Variants in PRDM15 observed in about 807,000 individuals in gnomAD.
The protein encoded by PRDM15 is PR/SET domain 15.
PRDM15 carries 64 observed loss-of-function variants against 128.6 expected under a neutral mutation model. The observed-to-expected ratio is 0.50, with a 90% CI of 0.41 to 0.61. The LOEUF (loss-of-function observed/expected upper bound fraction) is 0.61, where lower values mean the gene tolerates loss of function less well. PRDM15 is among the 20% of genes least tolerant of loss of function. The pLI, the probability that PRDM15 is intolerant of heterozygous loss-of-function variation, is 0.00. For missense variants in PRDM15, 1,242 were observed against 1,569.1 expected (o/e 0.79, Z 3.52); for synonymous variants, 615 against 621.8 (o/e 0.99, Z 0.16).
chr21:41,825,488 G>A (rs569610216), intron 13 of PRDM15, among the ~76,000 whole-genome samples: 7 of 152,342 alleles, frequency 4.6e-5, no homozygotes, highest in East Asian at 3.9e-4. Flanking sequence ...TCCACTGAAC[G>A]TGCCTGGGAG....
chr21:41,813,571 G>C (rs1293322169), intron 19 of PRDM15: 3 of 152,324 alleles, frequency 2.0e-5, no homozygotes. Flanking sequence ...ACAGGCTCAC[G>C]CCAGGGAACT....
At chr21:41,840,279 T>C (rs1207719689) in intron 6 of PRDM15, among the ~76,000 whole-genome samples, 4 of 151,880 alleles carry the variant, frequency 2.6e-5, no homozygotes, top group East Asian at 3.9e-4. Flanking sequence ...AACCCATCTC[T>C]AATAAAAATA....
At chr21:41,866,815 G>A (rs1223329478) in intron 1 of PRDM15, among the ~76,000 whole-genome samples, 1 of 152,116 alleles carries the variant, frequency 6.6e-6, no homozygotes, top group Non-Finnish European at 1.5e-5. Flanking sequence ...GTGCGACCGG[G>A]GCCTGCACAG....
intron 6 of PRDM15, among the ~76,000 whole-genome samples, chr21:41,844,118 CA>C (rs1190113660): frequency 6.6e-6 from 1 of 152,062 alleles, no homozygotes; most frequent in Non-Finnish European, 1.5e-5. Flanking sequence ...CACCAACTCA[CA>C]AAAGGCAGCT....
intron 22 of PRDM15, 158 bp from the exon 23 acceptor site, chr21:41,803,079 T>G (rs1303647033): frequency 3.1e-6 from 2 of 654,342 alleles, no homozygotes; most frequent in Non-Finnish European, 5.4e-6. Context: ...AGCTGGGTCT[T>G]GTATTTCTAA....
chr21:41,815,375 T>A (rs1399938437), intron 19 of PRDM15, among the ~76,000 whole-genome samples: 1 of 152,194 alleles, frequency 6.6e-6, no homozygotes, highest in African/African-American at 2.4e-5. Context: ...TGCATGCACA[T>A]CCCTGGCCCT....
In PRDM15 at chr21:41,879,237, G is replaced by T. The variant is rs749365094; in HGVS notation, c.-10+33C>A. 1 of 877,104 alleles carries T rather than the reference G, an allele frequency of 1.1e-6. No homozygotes were observed. 54.3% of individuals were successfully genotyped at this position (877,104 alleles called of 1,614,324 possible). A position where few individuals can be genotyped will look rare whatever the true frequency, so the allele number is the denominator to read the frequency against. On this transcript the variant is annotated intron_variant, in intron 1 of 23. Transcript: ENST00000398548. This position sits in a 1 kb window ranked among gnomAD's most constrained non-coding sequence, Gnocchi z 5.1. ...CCGGGGCCGGCGGGGCGCACGCCGG[G>T]GCGGGCGGCGGGCGCAGGGCCCGGA...
chr21:41,873,278 G>A (rs947791518), intron 1 of PRDM15, among the ~76,000 whole-genome samples: 4 of 152,190 alleles, frequency 2.6e-5, no homozygotes, highest in African/African-American at 9.7e-5. Flanking sequence ...TTCCGTAGGA[G>A]GGCGCATGGG....
Position 41,828,955 on chromosome 21 carries a change from CACACCACAT to C in PRDM15, c.1367-631_1367-623del, listed in dbSNP as rs1174415580. On this transcript the variant is annotated intron_variant, in intron 11 of 23. Transcript: ENST00000398548. This position sits in a 1 kb window ranked among gnomAD's most constrained non-coding sequence, Gnocchi z 5.7. ...CCCCCCACACAAATACACAATCACA[CACACCACAT>C]ACACACACCACGCACACATGCCCCA... is the stretch of plus-strand genomic sequence containing the variant. Among the ~76,000 whole-genome samples, 1,560 of 147,312 alleles carry C rather than the reference CACACCACAT, an allele frequency of 0.011. 25 individuals are homozygous for C. The highest frequency in any genetic ancestry group is 0.038 in the African/African-American group (1,454 of 38,746).
Position 41,810,982 on chromosome 21 carries a change from C to T in PRDM15, c.2393-146G>A, listed in dbSNP as rs1202099388. 1.5e-6 allele frequency: 1 copy of T among 667,034 alleles called. No individual in the cohort carries two copies. The highest frequency in any genetic ancestry group is 1.8e-5 in the African/African-American group (1 of 56,192). The allele number at this position is 667,034 out of a possible 1,614,324, so 41.3% of individuals were successfully genotyped here. ...AAGAAGACAGCAGACAATGAACGCT[C>T]ATCCCCAGCCTCGGCCAGCAAAGTG... On this transcript the variant is annotated intron_variant, in intron 19 of 23. Transcript: ENST00000398548. The surrounding 1 kb of genome is among the most constrained non-coding windows in gnomAD (Gnocchi z 6.4).
At chr21:41,834,972 G>A (rs2146559530) in intron 11 of PRDM15, among the ~76,000 whole-genome samples, 1 of 152,326 alleles carries the variant, frequency 6.6e-6, no homozygotes, top group East Asian at 1.9e-4. Flanking sequence ...ATGCGTGCAG[G>A]GGCAACCCCG....
In PRDM15 at chr21:41,859,896, G is replaced by C. The variant is rs890778944; in HGVS notation, c.38-211C>G. ...TCTGTCAGCACTCGTGCACACATGA[G>C]GAGTGCAAAGGCAGGACACGCCCCC... is the stretch of plus-strand genomic sequence containing the variant. On this transcript the variant is annotated intron_variant, in intron 2 of 23. Coordinates refer to ENST00000398548, the MANE Select transcript of PRDM15 (RefSeq NM_001040424.3). This position sits in a 1 kb window ranked among gnomAD's most constrained non-coding sequence, Gnocchi z 5.3. Among the ~76,000 whole-genome samples the C allele has an allele frequency of 6.6e-6, 1 of 152,140 alleles. No homozygotes were observed. The highest frequency in any genetic ancestry group is 6.5e-5 in the Admixed American group (1 of 15,284).
chr21:41,875,781 C>T (rs1164625215), intron 1 of PRDM15, among the ~76,000 whole-genome samples: 3 of 152,192 alleles, frequency 2.0e-5, no homozygotes, highest in Non-Finnish European at 1.5e-5. Context: ...AAATTGAATT[C>T]GTCTTGATTT....
chr21:41,870,294 G>A (rs572032677), intron 1 of PRDM15, among the ~76,000 whole-genome samples: 2 of 152,110 alleles, frequency 1.3e-5, no homozygotes, highest in African/African-American at 4.8e-5. Context: ...TTCATACTAA[G>A]CCTTAGCAAT....
chr21:41,850,715 G>A (rs559011609), intron 5 of PRDM15, among the ~76,000 whole-genome samples: 1 of 152,268 alleles, frequency 6.6e-6, no homozygotes, highest in South Asian at 2.1e-4. Flanking sequence ...CTGGGCAACA[G>A]TGCCAGACCC....
Position 41,836,556 on chromosome 21 carries a change from G to C in PRDM15, c.1095C>G (p.Leu365=). The change falls in exon 9 of 24, where the codon CTC becomes CTG. Residue 365 remains leucine (L), a synonymous_variant. Coordinates refer to ENST00000398548, the MANE Select transcript of PRDM15 (RefSeq NM_001040424.3). The stretch of plus-strand genomic sequence containing the variant: ...ACTGGTAAACCCGCTTGTGCTCCCC[G>C]AGCTGTTTGATGAGCTTGCGCCGGA... ...HGIRRKLIKQ[L]GEHKRVYQCN... The C allele has an allele frequency of 6.2e-7, 1 of 1,613,318 alleles. No homozygotes were observed. The highest frequency in any genetic ancestry group is 8.5e-7 in the Non-Finnish European group (1 of 1,179,960).
chr21:41,822,927 T>C (rs1179658367), intron 14 of PRDM15, among the ~76,000 whole-genome samples: 2 of 150,456 alleles, frequency 1.3e-5, no homozygotes, highest in Non-Finnish European at 2.9e-5. Flanking sequence ...TCCAGCTACT[T>C]GGGAGGCTGA....
At position 41,799,367 on chromosome 21, in the gene PRDM15, C is replaced by T. The variant is rs1364891472; in HGVS notation, c.*1873G>A. 6.6e-6 allele frequency: 1 copy of T among 152,184 alleles called. No homozygotes were observed. The highest frequency in any genetic ancestry group is 2.4e-5 in the African/African-American group (1 of 41,440). 9.4% of individuals were successfully genotyped at this position (152,184 alleles called of 1,614,324 possible). The stretch of plus-strand genomic sequence containing the variant: ...AGAATGGAGACAATATCACCCCAAG[C>T]CCGAATTCATTTGATGAGACTACTA... On this transcript the variant is annotated 3_prime_UTR_variant, in exon 24 of 24. Transcript: ENST00000398548.
At chr21:41,819,478 C>A in intron 18 of PRDM15, 104 bp downstream of exon 18, 2 of 1,013,342 alleles carry the variant, frequency 2.0e-6, no homozygotes, top group Admixed American at 2.4e-5. Flanking sequence ...CCCCGCCACA[C>A]CCACCTTCCC....
Sources: gnomAD v4.1 joint callset for allele counts (sites outside exome capture counted in the v4.1 genomes callset) on GRCh38, gnomAD v4.1.1 for gene constraint, Gnocchi (gnomAD v3.1) non-coding constraint, MANE v1.5 for transcripts, NCBI Gene and HGNC (gene_info 2026-07-23, HGNC 2026-07-21) for gene names.